The following CEP126 variants were observed in gnomAD, a reference collection of about 807,000 sequenced individuals.
The protein encoded by CEP126 is centrosomal protein 126.
CEP126 carries 74 observed loss-of-function variants against 107.8 expected under a neutral mutation model. The observed-to-expected ratio is 0.69, with a 90% CI of 0.57 to 0.83. The LOEUF is 0.83. CEP126 is among the 40% of genes least tolerant of loss of function. The pLI is 0.00. For missense variants in CEP126, 1,237 were observed against 1,281.9 expected (o/e 0.96, Z 0.53); for synonymous variants, 449 against 446.0 (o/e 1.01, Z -0.08).
chr11:101,997,278 C>T (rs181308281), intron 10 of CEP126, among the ~76,000 whole-genome samples: 182 of 152,288 alleles, frequency 1.2e-3, no homozygotes, highest in African/African-American at 4.3e-3. Flanking sequence ...CTTCGTGATC[C>T]GCCTGCCTCG....
rs966812780 is a variant in CEP126, at chr11:101,938,036, C to G, written c.249-6229C>G. On this transcript the variant is annotated intron_variant, in intron 2 of 10. Coordinates refer to ENST00000263468, the MANE Select transcript of CEP126 (RefSeq NM_020802.4). ...GGCGTGGTGGCGGACGCCTGTAGTC[C>G]CAGCTACTCGGGAGGCTGAGGCAGG... Among the ~76,000 whole-genome samples, 10 of 151,068 alleles carry G rather than the reference C, an allele frequency of 6.6e-5. 1 individual carries two copies. The highest frequency in any genetic ancestry group is 4.6e-4 in the Admixed American group (7 of 15,160).
intron 2 of CEP126, among the ~76,000 whole-genome samples, chr11:101,942,049 G>A (rs1184961710): frequency 6.6e-6 from 1 of 152,002 alleles, no homozygotes; most frequent in Admixed American, 6.6e-5. Flanking sequence ...TATCAGATAT[G>A]TGATTGGAAA....
At chr11:101,974,436 G>T (rs955622024) in intron 6 of CEP126, among the ~76,000 whole-genome samples, 2 of 152,146 alleles carry the variant, frequency 1.3e-5, no homozygotes, top group Non-Finnish European at 2.9e-5. Context: ...GAACTGAAAT[G>T]AAAGGGTAAA....
chr11:101,943,250 A>G (rs987740538), intron 2 of CEP126, among the ~76,000 whole-genome samples: 6 of 151,866 alleles, frequency 4.0e-5, no homozygotes, highest in African/African-American at 1.4e-4. Flanking sequence ...ACTACATTCT[A>G]CCTATCTCCT....
At chr11:101,920,566 G>C (rs1023495044) in intron 1 of CEP126, among the ~76,000 whole-genome samples, 3 of 151,074 alleles carry the variant, frequency 2.0e-5, no homozygotes, top group Non-Finnish European at 2.9e-5. Flanking sequence ...TACATCTAAT[G>C]ATGAGGTACT....
rs1271634451 is a variant in CEP126, at chr11:101,997,733, T to C, written c.*90T>C. The C allele has an allele frequency of 2.5e-6, 4 of 1,575,214 alleles. No homozygotes were observed. In the East Asian group the frequency reaches 9.0e-5, roughly 35 times the overall value. On this transcript the variant is annotated 3_prime_UTR_variant, in exon 11 of 11. Transcript: ENST00000263468. ...TGTGAAAACCAGCCATAGGAAAACATGTGAGCAACAACCCCCATGAACATT... is the reference window on the plus strand; with the variant it reads ...TGTGAAAACCAGCCATAGGAAAACACGTGAGCAACAACCCCCATGAACATT...
At chr11:101,967,558 G>A (rs534234921) in intron 6 of CEP126, among the ~76,000 whole-genome samples, 3 of 152,038 alleles carry the variant, frequency 2.0e-5, no homozygotes, top group African/African-American at 2.4e-5. Flanking sequence ...TGTTTATCTC[G>A]TAAATTCACT....
intron 6 of CEP126, among the ~76,000 whole-genome samples, chr11:101,965,118 T>C (rs559870041): frequency 2.0e-4 from 31 of 152,296 alleles, no homozygotes; most frequent in Non-Finnish European, 3.4e-4. Flanking sequence ...CCATTGCCCT[T>C]ACTAGCTGGT....
At chr11:101,988,674 T>C (rs1012852134) in intron 9 of CEP126, among the ~76,000 whole-genome samples, 1 of 151,988 alleles carries the variant, frequency 6.6e-6, no homozygotes, top group Non-Finnish European at 1.5e-5. Context: ...ACTTTCAAAT[T>C]TAATACCTTC....
At chr11:101,983,758 C>G (rs550349587) in intron 8 of CEP126, among the ~76,000 whole-genome samples, 2 of 152,284 alleles carry the variant, frequency 1.3e-5, no homozygotes, top group African/African-American at 4.8e-5. Flanking sequence ...GAGACAGCCC[C>G]TACAAGAATT....
chr11:101,919,646 G>T (rs967234713), intron 1 of CEP126, among the ~76,000 whole-genome samples: 2 of 151,988 alleles, frequency 1.3e-5, no homozygotes, highest in East Asian at 3.8e-4. Flanking sequence ...TAATAATTCA[G>T]CAGGAAACAT....
At chr11:101,964,257 CATGTCACTGCACTCCAGCCTG>C (rs1301514244) in intron 6 of CEP126, among the ~76,000 whole-genome samples, 4 of 150,350 alleles carry the variant, frequency 2.7e-5, no homozygotes, top group Non-Finnish European at 5.9e-5. Flanking sequence ...GAGCCGAGAT[CATGTCACTGCACTCCAGCCTG>C]ATGACAGAGC....
chr11:101,997,048 T>G (rs1941449925), intron 10 of CEP126, among the ~76,000 whole-genome samples: 1 of 152,200 alleles, frequency 6.6e-6, no homozygotes. Flanking sequence ...ATTTATTTAT[T>G]TATTTTTGAG....
intron 4 of CEP126, among the ~76,000 whole-genome samples, chr11:101,951,896 G>A (rs1387722738): frequency 6.6e-6 from 1 of 152,160 alleles, no homozygotes; most frequent in Non-Finnish European, 1.5e-5. Context: ...ATTTTCATGT[G>A]TACTTTTGTC....
intron 7 of CEP126, among the ~76,000 whole-genome samples, chr11:101,981,611 C>CCT (rs761552615): frequency 3.8e-4 from 58 of 152,032 alleles, no homozygotes; most frequent in Non-Finnish European, 7.1e-4. Flanking sequence ...CTTTTGATTA[C>CCT]CATCCAACTC....
chr11:101,973,367 G>A (rs1395216081), intron 6 of CEP126, among the ~76,000 whole-genome samples: 1 of 152,148 alleles, frequency 6.6e-6, no homozygotes, highest in Admixed American at 6.6e-5. Context: ...TCCTTTGCAA[G>A]GACATGGATG....
At position 101,961,282 on chromosome 11, in the gene CEP126, G is replaced by A. The variant is rs527807882; in HGVS notation, c.706-459G>A. Among the ~76,000 whole-genome samples the A allele has an allele frequency of 2.1e-3, 317 of 152,106 alleles. 7 individuals carry two copies. The highest frequency in any genetic ancestry group is 8.7e-4 in the Non-Finnish European group (59 of 67,904). ...TCCACAAAATTAAGTTTTATAAAAA[G>A]ATGTAGCCCCTACTAACAGGAAACT... On this transcript the variant is annotated intron_variant, in intron 5 of 10. Coordinates refer to ENST00000263468, the MANE Select transcript of CEP126 (RefSeq NM_020802.4).
intron 6 of CEP126, among the ~76,000 whole-genome samples, chr11:101,965,093 A>G (rs1591286654): frequency 6.6e-6 from 1 of 152,116 alleles, no homozygotes; most frequent in Non-Finnish European, 1.5e-5. Flanking sequence ...TTGAAAATTA[A>G]TTCTCTATAG....
intron 1 of CEP126, among the ~76,000 whole-genome samples, chr11:101,918,689 A>G (rs1940274630): frequency 6.6e-6 from 1 of 152,242 alleles, no homozygotes; most frequent in Admixed American, 6.5e-5. Flanking sequence ...AATTTTCTCC[A>G]AGGGAATAAT....
Sources: gnomAD v4.1 joint callset for allele counts (sites outside exome capture counted in the v4.1 genomes callset) on GRCh38, gnomAD v4.1.1 for gene constraint, MANE v1.5 for transcripts, NCBI Gene and HGNC (gene_info 2026-07-23, HGNC 2026-07-21) for gene names.